ERC2: variants seen among roughly 807,000 people sequenced by gnomAD.
ERC2 encodes ERC protein 2.
ERC2 carries 42 observed loss-of-function variants against 114.8 expected under a neutral mutation model. That is an observed-to-expected ratio of 0.37 (90% CI 0.29 to 0.47). The LOEUF (loss-of-function observed/expected upper bound fraction) is 0.47. ERC2 is among the 20% of genes least tolerant of loss of function. The probability of loss-of-function intolerance (pLI) is 0.99; values close to 1 mark genes in which losing one functional copy is unlikely to be tolerated. For missense variants in ERC2, 939 were observed against 1,150.7 expected (o/e 0.82, Z 2.66); for synonymous variants, 454 against 425.5 (o/e 1.07, Z -0.82).
chr3:56,279,430 T>C (rs990899517), intron 3 of ERC2, among the ~76,000 whole-genome samples: 19 of 152,162 alleles, frequency 1.2e-4, no homozygotes, highest in Non-Finnish European at 2.6e-4. Context: ...GTAAAACACC[T>C]GGGCTGAATA....
chr3:56,316,516 C>T (rs576119601), intron 2 of ERC2, among the ~76,000 whole-genome samples: 3 of 152,250 alleles, frequency 2.0e-5, no homozygotes, highest in African/African-American at 7.2e-5. Flanking sequence ...AATCTCTGTC[C>T]TGTTTAATCT....
At chr3:56,002,550 T>C (rs1184219108) in intron 10 of ERC2, among the ~76,000 whole-genome samples, 1 of 152,202 alleles carries the variant, frequency 6.6e-6, no homozygotes, top group Admixed American at 6.6e-5. Flanking sequence ...TAAGCTATAA[T>C]CAGAATTGTT....
In ERC2 at chr3:55,717,072, A is replaced by G. The variant is rs548694419; in HGVS notation, c.2713-17560T>C. On this transcript the variant is annotated intron_variant, in intron 15 of 17. Transcript: ENST00000288221. ...AGAGTAGGTATTCAGTGAAGGAGGA[A>G]AAAAAGCTTGCTGGGCGATGTTAAA... Among the ~76,000 whole-genome samples the G allele has an allele frequency of 2.0e-5, 3 of 152,216 alleles. No individual in the cohort carries two copies. In the South Asian group the frequency reaches 6.2e-4, roughly 32 times the overall value.
rs149970230 is a variant in ERC2, at chr3:55,689,207, G to C, written c.2848-5348C>G. ...GCCATCAAGAACGTTATAGAAGTTT[G>C]GGTGGCCTTTTCCTCCACTTCTAAT... On this transcript the variant is annotated intron_variant, in intron 16 of 17. Transcript: ENST00000288221. 2.3e-3 allele frequency among the ~76,000 whole-genome samples: 346 copies of C among 152,094 alleles called. 2 individuals are homozygous for C. The highest frequency in any genetic ancestry group is 7.9e-3 in the African/African-American group (330 of 41,512).
intron 9 of ERC2, among the ~76,000 whole-genome samples, chr3:56,009,785 C>T (rs542701174): frequency 1.3e-5 from 2 of 152,254 alleles, no homozygotes; most frequent in South Asian, 2.1e-4. Flanking sequence ...GGGGAATAGC[C>T]CAAAGCATCC....
chr3:55,582,643 C>T (rs2057319422), intron 17 of ERC2, among the ~76,000 whole-genome samples: 1 of 152,222 alleles, frequency 6.6e-6, no homozygotes, highest in Non-Finnish European at 1.5e-5. Context: ...TCAGTCTTCA[C>T]AACTTCATAC....
intron 16 of ERC2, among the ~76,000 whole-genome samples, chr3:55,690,449 C>T (rs945749494): frequency 5.3e-5 from 8 of 152,132 alleles, no homozygotes; most frequent in Non-Finnish European, 1.2e-4. Context: ...TAGACAAATG[C>T]GACTGGATTA....
At chr3:55,840,748 AACAG>A (rs552942164) in intron 14 of ERC2, among the ~76,000 whole-genome samples, 27 of 152,158 alleles carry the variant, frequency 1.8e-4, no homozygotes, top group Non-Finnish European at 2.8e-4. Context: ...GCAACAAATG[AACAG>A]ACAAATGATA....
chr3:55,653,414 CA>C (rs2060723068), intron 17 of ERC2, among the ~76,000 whole-genome samples: 2 of 152,040 alleles, frequency 1.3e-5, no homozygotes, highest in Non-Finnish European at 2.9e-5. Flanking sequence ...GAAGTCACCT[CA>C]AAAATTTTAA....
rs72871649 is a variant in ERC2 at position 55,631,726 on chromosome 3, C to T, written c.*39+52068G>A. On this transcript the variant is annotated intron_variant, in intron 17 of 17. Transcript: ENST00000288221. ...GCTTTTGGCCAGCCACCAACCATCACCTGACAGGTGGCTGGATAAAGATGT... is the reference window on the plus strand; with the variant it reads ...GCTTTTGGCCAGCCACCAACCATCATCTGACAGGTGGCTGGATAAAGATGT... 5.4e-3 allele frequency among the ~76,000 whole-genome samples: 788 copies of T among 146,462 alleles called. 9 individuals are homozygous for T. Among genetic ancestry groups the T allele is most frequent in the African/African-American group, 0.016 (670 of 40,684 alleles).
At chr3:56,285,564 C>T (rs908370826) in intron 3 of ERC2, among the ~76,000 whole-genome samples, 9 of 152,046 alleles carry the variant, frequency 5.9e-5, no homozygotes, top group African/African-American at 2.2e-4. Flanking sequence ...GTCTGGCAGC[C>T]CAGCTCAAAC....
At chr3:55,591,147 G>A (rs1192264826) in intron 17 of ERC2, among the ~76,000 whole-genome samples, 1 of 151,586 alleles carries the variant, frequency 6.6e-6, no homozygotes, top group East Asian at 1.9e-4. Flanking sequence ...AACTTTAAGG[G>A]GTAGAATTAT....
intron 3 of ERC2, among the ~76,000 whole-genome samples, chr3:56,241,135 T>A (rs111937502): frequency 6.6e-6 from 1 of 152,134 alleles, no homozygotes; most frequent in South Asian, 2.1e-4. Context: ...GCTCCATCCA[T>A]ATTGCTGTGA....
intron 1 of ERC2, among the ~76,000 whole-genome samples, chr3:56,465,981 GT>G (rs2063526025): frequency 6.6e-6 from 1 of 152,242 alleles, no homozygotes; most frequent in Non-Finnish European, 1.5e-5. Flanking sequence ...TGGGCTCTGG[GT>G]AAGACGAACC....
intron 15 of ERC2, among the ~76,000 whole-genome samples, chr3:55,706,864 G>A (rs182629253): frequency 6.6e-6 from 1 of 152,242 alleles, no homozygotes; most frequent in African/African-American, 2.4e-5. Context: ...CACTTAGCGT[G>A]ACAGAACTCT....
intron 1 of ERC2, among the ~76,000 whole-genome samples, chr3:56,435,563 G>A (rs555338677): frequency 6.6e-6 from 1 of 152,288 alleles, no homozygotes; most frequent in Non-Finnish European, 1.5e-5. Flanking sequence ...CATGTGACTT[G>A]AAAGTGACTC....
intron 16 of ERC2, among the ~76,000 whole-genome samples, chr3:55,692,936 A>C (rs890966103): frequency 1.3e-5 from 2 of 152,202 alleles, no homozygotes. Flanking sequence ...TAACCAAGAA[A>C]TTTGATGGCT....
intron 8 of ERC2, among the ~76,000 whole-genome samples, chr3:56,012,752 G>C (rs1442652520): frequency 6.6e-6 from 1 of 152,116 alleles, no homozygotes; most frequent in Admixed American, 6.6e-5. Context: ...ATATTTCTCC[G>C]TCAATCACAA....
At chr3:55,837,681 C>T (rs1296372760) in intron 14 of ERC2, among the ~76,000 whole-genome samples, 1 of 151,822 alleles carries the variant, frequency 6.6e-6, no homozygotes, top group African/African-American at 2.4e-5. Context: ...TACAGCACAC[C>T]AGCATGGCAC....
Sources: gnomAD v4.1 joint callset for allele counts (sites outside exome capture counted in the v4.1 genomes callset) on GRCh38, gnomAD v4.1.1 for gene constraint, MANE v1.5 for transcripts, NCBI Gene and HGNC (gene_info 2026-07-23, HGNC 2026-07-21) for gene names.